SMCHD1: variants seen among roughly 807,000 people sequenced by gnomAD.
SMCHD1 encodes the protein structural maintenance of chromosomes flexible hinge domain containing 1, also known as structural maintenance of chromosomes flexible hinge domain-containing protein 1.
SMCHD1 carries 78 observed loss-of-function variants against 254.7 expected under a neutral mutation model. The ratio of observed to expected loss-of-function variants is 0.31; its 90% CI spans 0.26 to 0.37. The LOEUF is 0.37. Among genes scored for constraint, SMCHD1 ranks in the 10% least tolerant of loss-of-function variants. The probability of loss-of-function intolerance (pLI) is 1.00; values close to 1 mark genes in which losing one functional copy is unlikely to be tolerated. For synonymous variants in SMCHD1, 766 were observed against 794.9 expected (o/e 0.96, Z 0.61); for missense variants, 1,840 against 2,408.1 (o/e 0.76, Z 4.94).
At chr18:2,768,264 A>G (rs2075906637) in intron 37 of SMCHD1, among the ~76,000 whole-genome samples, 1 of 152,196 alleles carries the variant, frequency 6.6e-6, no homozygotes, top group Non-Finnish European at 1.5e-5. Context: ...CATAAGAAGC[A>G]TGATTTCAGT....
Position 2,769,764 on chromosome 18 carries a change from T to C in SMCHD1, c.4790T>C (p.Leu1597Pro). Residue 1597 changes from leucine (L) to proline (P), a missense_variant, in exon 38 of 48, where the codon CTA becomes CCA. By Grantham distance (98) the Leu-to-Pro change is moderately conservative. Around this residue, in one of 9 missense-constraint regions of SMCHD1, gnomAD observed 881 missense variants for 1,009.5 expected, o/e 0.87. Transcript: ENST00000320876. ...TEYFIVFEPR[L>P]PLLSRTLEPY... ...TATTTTATTGTATTTGAGCCCCGGC[T>C]ACCACTTTTATCAAGAACCTTAGAA... 6.2e-7 allele frequency: 1 copy of C among 1,604,408 alleles called. No individual in the cohort carries two copies. Among genetic ancestry groups the C allele is most frequent in the South Asian group, 1.1e-5 (1 of 89,676 alleles).
intron 37 of SMCHD1, among the ~76,000 whole-genome samples, chr18:2,768,355 A>T (rs1345272674): frequency 1.3e-5 from 2 of 152,076 alleles, no homozygotes; most frequent in Non-Finnish European, 2.9e-5. Context: ...TATGATTGAT[A>T]TTAAATGTTG....
chr18:2,656,305 G>A (rs758504732), intron 1 of SMCHD1, 44 bp downstream of exon 1: 14 of 1,409,294 alleles, frequency 9.9e-6, no homozygotes, highest in Middle Eastern at 2.1e-4. Context: ...AGACTTGGGG[G>A]CGGGAGGGTG....
intron 37 of SMCHD1, among the ~76,000 whole-genome samples, chr18:2,764,469 C>T (rs1361865042): frequency 1.3e-5 from 2 of 152,096 alleles, no homozygotes; most frequent in Non-Finnish European, 2.9e-5. Context: ...TTTGATCAAT[C>T]CTTAGTGAAA....
At chr18:2,747,797 T>A in intron 30 of SMCHD1, 150 bp downstream of exon 30, 1 of 686,520 alleles carries the variant, frequency 1.5e-6, no homozygotes, top group Non-Finnish European at 2.3e-6. Context: ...CAAAAATTTT[T>A]AAAATTATTT....
intron 13 of SMCHD1, among the ~76,000 whole-genome samples, chr18:2,704,700 C>A (rs1203964955): frequency 1.3e-5 from 2 of 150,522 alleles, no homozygotes; most frequent in African/African-American, 2.4e-5. Flanking sequence ...TTTGTGTGGA[C>A]CTTGAAAGGG....
chr18:2,703,884 C>G lies in SMCHD1; in HGVS notation c.1840C>G (p.Leu614Val), dbSNP rs373503630. The G allele has an allele frequency of 1.9e-6, 3 of 1,567,172 alleles. No homozygotes were observed. The highest frequency in any genetic ancestry group is 8.6e-7 in the Non-Finnish European group (1 of 1,161,560). The change falls in exon 13 of 48, where the codon CTG becomes GTG. Residue 614 changes from leucine (L) to valine (V), a missense_variant and splice_region_variant. Physicochemically the swap from Leu to Val is conservative, Grantham distance 32. Coordinates refer to ENST00000320876, the MANE Select transcript of SMCHD1 (RefSeq NM_015295.3). ...TGGAAAGATATACAAAGCAGGACAG[C>G]TGGTAGGTTTAACTTATTGTCACTT... ...WDGKIYKAGQ[L>V]VKTIKTLPLF...
chr18:2,700,959 TTTTA>T, intron 12 of SMCHD1, 41 bp downstream of exon 12: 1 of 1,403,476 alleles, frequency 7.1e-7, no homozygotes, highest in Non-Finnish European at 9.6e-7. Context: ...TTTGCAAATG[TTTTA>T]TTTTTAAGTA....
chr18:2,719,316 A>G (rs1445081624), intron 19 of SMCHD1, among the ~76,000 whole-genome samples: 1 of 142,108 alleles, frequency 7.0e-6, no homozygotes, highest in Non-Finnish European at 1.5e-5. Context: ...TTTTCAATGG[A>G]GTCTCACACT....
At chr18:2,743,740 C>G in intron 28 of SMCHD1, 21 bp from the exon 29 acceptor site, 2 of 1,564,352 alleles carry the variant, frequency 1.3e-6, no homozygotes, top group Non-Finnish European at 1.7e-6. Flanking sequence ...CTGTCTTTCT[C>G]AATGTACTTT....
In SMCHD1 at chr18:2,729,342, C is replaced by G; in HGVS notation, c.2981C>G (p.Thr994Arg). 1 of 1,559,600 alleles carries G rather than the reference C, an allele frequency of 6.4e-7. No individual in the cohort carries two copies. The highest frequency in any genetic ancestry group is 1.2e-5 in the South Asian group (1 of 83,664). The stretch of plus-strand genomic sequence containing the variant: ...AGTAGTTCTGGAACCAGTATTTTAA[C>G]AGGATCTGCAATTCAAGTTCAGAAT... ...DCSSSGTSIL[T>R]GSAIQVQNIK... The change falls in exon 24 of 48, where the codon ACA (threonine) becomes AGA (arginine). Residue 994 changes from threonine (T) to arginine (R), a missense_variant. Physicochemically the swap from Thr to Arg is moderately conservative, Grantham distance 71. Coordinates refer to ENST00000320876, the MANE Select transcript of SMCHD1 (RefSeq NM_015295.3).
intron 30 of SMCHD1, among the ~76,000 whole-genome samples, chr18:2,747,889 A>G (rs978858922): frequency 6.6e-6 from 1 of 152,224 alleles, no homozygotes; most frequent in Non-Finnish European, 1.5e-5. Flanking sequence ...TGTTTCTTAT[A>G]TAGTGCTAGT....
In SMCHD1 at chr18:2,694,722, G is replaced by A. The variant is rs759002531; in HGVS notation, c.1040+29G>A. The A allele has an allele frequency of 4.4e-6, 7 of 1,594,898 alleles. No individual in the cohort carries two copies. In the South Asian group the frequency reaches 5.6e-5, roughly 13 times the overall value. Reference sequence around the variant, plus strand: ...AGTAATTATATTTGGCTTAGGAAATGTTGCTACTTAACTTTTTTAAGGCAG... The same window carrying A: ...AGTAATTATATTTGGCTTAGGAAATATTGCTACTTAACTTTTTTAAGGCAG... On this transcript the variant is annotated intron_variant, in intron 8 of 47. Coordinates refer to ENST00000320876, the MANE Select transcript of SMCHD1 (RefSeq NM_015295.3).
At chr18:2,665,529 C>T (rs531208567) in intron 1 of SMCHD1, among the ~76,000 whole-genome samples, 5 of 152,248 alleles carry the variant, frequency 3.3e-5, no homozygotes, top group Non-Finnish European at 7.4e-5. Context: ...CCATGTTGGT[C>T]GGGCTGGTCT....
intron 41 of SMCHD1, 113 bp downstream of exon 41, chr18:2,772,485 T>C: frequency 7.1e-6 from 6 of 850,256 alleles, no homozygotes; most frequent in Non-Finnish European, 1.0e-5. Flanking sequence ...TTTACTTCTT[T>C]CCAATAAAGT....
At chr18:2,662,085 G>A (rs1329822364) in intron 1 of SMCHD1, among the ~76,000 whole-genome samples, 1 of 143,614 alleles carries the variant, frequency 7.0e-6, no homozygotes, top group Non-Finnish European at 1.5e-5. Context: ...CGTGAACCCG[G>A]GAAGCGGAGC....
rs9964083 is a variant in SMCHD1, at chr18:2,738,115, G to A, written c.3277-282G>A. ...TCTGATTTATATGTTACTTTTAAAC[G>A]ATAATGGCCACAGTGATACTTTTGT... On this transcript the variant is annotated intron_variant, in intron 25 of 47. Coordinates refer to ENST00000320876, the MANE Select transcript of SMCHD1 (RefSeq NM_015295.3). Among the ~76,000 whole-genome samples, 30,880 of 152,070 alleles carry A rather than the reference G, an allele frequency of 0.2. 3,379 individuals are homozygous for A. Among genetic ancestry groups the A allele is most frequent in the South Asian group, 0.33 (1,599 of 4,824 alleles).
chr18:2,733,039 T>G (rs1238079515), intron 25 of SMCHD1, among the ~76,000 whole-genome samples: 1 of 152,234 alleles, frequency 6.6e-6, no homozygotes, highest in Non-Finnish European at 1.5e-5. Context: ...GTCTGCATGT[T>G]GAAACTTAAC....
In SMCHD1 at chr18:2,747,564, A is replaced by T. The variant is rs769077908; in HGVS notation, c.3844A>T (p.Ile1282Phe). The change falls in exon 30 of 48, where the codon ATT (isoleucine) becomes TTT (phenylalanine). Residue 1282 changes from isoleucine (I) to phenylalanine (F), a missense_variant. By Grantham distance (21) the Ile-to-Phe change is conservative. Around this residue, in one of 9 missense-constraint regions of SMCHD1, gnomAD observed 881 missense variants for 1,009.5 expected, o/e 0.87. Coordinates refer to ENST00000320876, the MANE Select transcript of SMCHD1 (RefSeq NM_015295.3). ...INGRDLQNPI[I>F]VQLCDQWDNP... The stretch of plus-strand genomic sequence containing the variant: ...TGGAAGAGATTTACAGAACCCTATT[A>T]TTGTTCAACTTTGTGATCAGTGGGA... 6.2e-7 allele frequency: 1 copy of T among 1,609,216 alleles called. No homozygotes were observed. The highest frequency in any genetic ancestry group is 1.1e-5 in the South Asian group (1 of 90,804).
Sources: gnomAD v4.1 joint callset for allele counts (sites outside exome capture counted in the v4.1 genomes callset) on GRCh38, gnomAD v4.1.1 for gene constraint, gnomAD v4.1.1 regional missense constraint, MANE v1.5 for transcripts, NCBI Gene and HGNC (gene_info 2026-07-23, HGNC 2026-07-21) for gene names.